MAP3K5: variants seen among roughly 807,000 people sequenced by gnomAD.
MAP3K5 encodes ASK-1.
A neutral mutation model predicts 158.7 loss-of-function variants in MAP3K5; 56 were observed. That is an observed-to-expected ratio of 0.35 (90% CI 0.28 to 0.44). The LOEUF (loss-of-function observed/expected upper bound fraction) is 0.44. MAP3K5 is among the 20% of genes least tolerant of loss of function. The pLI, the probability that MAP3K5 is intolerant of heterozygous loss-of-function variation, is 1.00. For synonymous variants in MAP3K5, 579 were observed against 601.7 expected, an observed-to-expected ratio of 0.96 and a Z score of 0.55; for missense variants, 1,294 against 1,674.8, an observed-to-expected ratio of 0.77 and a Z score of 3.97.
chr6:136,639,505 A>C (rs1174271225), intron 13 of MAP3K5, 38 bp downstream of exon 13: 2 of 1,155,266 alleles, frequency 1.7e-6, no homozygotes, highest in Non-Finnish European at 2.5e-6. Context: ...ATGATCAGGT[A>C]AGAAGAATCT....
At chr6:136,659,467 T>C (rs566912802) in intron 8 of MAP3K5, 89 bp from the exon 9 acceptor site, 1 of 1,204,040 alleles carries the variant, frequency 8.3e-7, no homozygotes, top group Admixed American at 2.0e-5. Context: ...TAAGCTTTCA[T>C]TCCTCTTTTC....
chr6:136,776,447 G>A (rs1046408973), intron 1 of MAP3K5, among the ~76,000 whole-genome samples: 6 of 152,044 alleles, frequency 3.9e-5, no homozygotes, highest in Admixed American at 6.6e-5. Flanking sequence ...GTCTCACCAC[G>A]TTGCCCATTC....
intron 1 of MAP3K5, among the ~76,000 whole-genome samples, chr6:136,720,912 T>A (rs1266504643): frequency 2.0e-5 from 3 of 152,142 alleles, no homozygotes; most frequent in Admixed American, 2.0e-4. Context: ...CCCTAGTAAC[T>A]GGGACTACAG....
chr6:136,782,229 A>G (rs948462391), intron 1 of MAP3K5, among the ~76,000 whole-genome samples: 2 of 151,034 alleles, frequency 1.3e-5, no homozygotes, highest in Middle Eastern at 3.2e-3. Context: ...GCAGTGAGCT[A>G]TGATTGAGAC....
At chr6:136,675,521 A>T (rs1779666770) in intron 7 of MAP3K5, among the ~76,000 whole-genome samples, 1 of 152,152 alleles carries the variant, frequency 6.6e-6, no homozygotes, top group Admixed American at 6.5e-5. Context: ...TCAGTTCATA[A>T]CCCAAAGGTC....
chr6:136,686,391 C>T (rs1000429472), intron 7 of MAP3K5, among the ~76,000 whole-genome samples: 2 of 152,156 alleles, frequency 1.3e-5, no homozygotes, highest in African/African-American at 4.8e-5. Context: ...CTCACCACTC[C>T]TATTCAACAT....
chr6:136,715,858 C>T (rs1454987406), intron 2 of MAP3K5, among the ~76,000 whole-genome samples: 2 of 151,456 alleles, frequency 1.3e-5, no homozygotes, highest in African/African-American at 4.9e-5. Context: ...TGGCGAAACC[C>T]CGTCTCTACT....
At chr6:136,744,165 C>G (rs1782832439) in intron 1 of MAP3K5, among the ~76,000 whole-genome samples, 2 of 152,004 alleles carry the variant, frequency 1.3e-5, no homozygotes, top group Non-Finnish European at 2.9e-5. Context: ...CTATGGGCAT[C>G]AGGTGATAAT....
At chr6:136,671,505 T>C (rs1023305443) in intron 7 of MAP3K5, among the ~76,000 whole-genome samples, 3 of 152,216 alleles carry the variant, frequency 2.0e-5, no homozygotes, top group Non-Finnish European at 2.9e-5. Flanking sequence ...AATCCTGGCA[T>C]ATATCATTAG....
intron 7 of MAP3K5, among the ~76,000 whole-genome samples, chr6:136,671,642 T>C (rs1431630668): frequency 1.3e-5 from 2 of 152,206 alleles, no homozygotes; most frequent in Admixed American, 6.5e-5. Flanking sequence ...AGATGGACTT[T>C]CACTCTTGTT....
At chr6:136,772,098 T>TAG (rs1784224655) in intron 1 of MAP3K5, among the ~76,000 whole-genome samples, 1 of 100,108 alleles carries the variant, frequency 1.0e-5, no homozygotes, top group African/African-American at 3.9e-5. Flanking sequence ...TTAGTAGAAA[T>TAG]GGGGGGGGGG....
chr6:136,581,441 C>CT (rs1319190574), intron 24 of MAP3K5, among the ~76,000 whole-genome samples: 1 of 152,204 alleles, frequency 6.6e-6, no homozygotes, highest in Non-Finnish European at 1.5e-5. Flanking sequence ...ACACAGACCT[C>CT]TAAAAAAAGA....
At position 136,659,287 on chromosome 6, in the gene MAP3K5, G is replaced by A. The variant is rs1362513238; in HGVS notation, c.1458C>T (p.Val486=). ...WEVGFFLGAS[V]LANDHMRVIQ... Reference sequence around the variant, plus strand: ...TGACTCTCATGTGGTCATTGGCTAGGACGCTGGCCCCCAGAAAAAATCCAA... The same window carrying A: ...TGACTCTCATGTGGTCATTGGCTAGAACGCTGGCCCCCAGAAAAAATCCAA... Residue 486 remains valine, a synonymous_variant, in exon 9 of 30, where the codon GTC becomes GTT. Coordinates refer to ENST00000359015, the MANE Select transcript of MAP3K5 (RefSeq NM_005923.4). 2 of 1,613,970 alleles carry A rather than the reference G, an allele frequency of 1.2e-6. No individual in the cohort carries two copies. Among genetic ancestry groups the A allele is most frequent in the Non-Finnish European group, 1.7e-6 (2 of 1,180,006 alleles).
At chr6:136,706,335 G>C (rs1028682098) in intron 2 of MAP3K5, among the ~76,000 whole-genome samples, 1 of 152,056 alleles carries the variant, frequency 6.6e-6, no homozygotes, top group Non-Finnish European at 1.5e-5. Flanking sequence ...GATTGAGTGA[G>C]ATCATACAAA....
Position 136,693,126 on chromosome 6 carries a change from C to G in MAP3K5, c.1253+1014G>C, listed in dbSNP as rs182636826. On this transcript the variant is annotated intron_variant, in intron 7 of 29. Transcript: ENST00000359015. ...GGGATAGAACTTTATTTTATTTTTC[C>G]AAGCAGATAAAGAAATTTTCCCAGT... 4.0e-3 allele frequency among the ~76,000 whole-genome samples: 604 copies of G among 151,832 alleles called. 7 individuals carry two copies. The highest frequency in any genetic ancestry group is 0.017 in the Middle Eastern group (5 of 294).
chr6:136,680,423 A>G lies in MAP3K5; in HGVS notation c.1254-11028T>C, dbSNP rs117791382. Among the ~76,000 whole-genome samples, 326 of 152,286 alleles carry G rather than the reference A, an allele frequency of 2.1e-3. 7 individuals carry two copies. In the East Asian group the frequency reaches 0.029, roughly 14 times the overall value. Reference sequence around the variant, plus strand: ...TGATCCTTTGCTTAACAACTTATCTATTTTTGGATATTTAGATTTCTTCCA... The same window carrying G: ...TGATCCTTTGCTTAACAACTTATCTGTTTTTGGATATTTAGATTTCTTCCA... On this transcript the variant is annotated intron_variant, in intron 7 of 29. Coordinates refer to ENST00000359015, the MANE Select transcript of MAP3K5 (RefSeq NM_005923.4).
At chr6:136,735,612 T>C (rs1210326382) in intron 1 of MAP3K5, among the ~76,000 whole-genome samples, 1 of 152,120 alleles carries the variant, frequency 6.6e-6, no homozygotes, top group Non-Finnish European at 1.5e-5. Context: ...AGAGGATCGC[T>C]TGAGTTCGGG....
chr6:136,648,997 T>G (rs777627453), intron 11 of MAP3K5, among the ~76,000 whole-genome samples: 30 of 152,252 alleles, frequency 2.0e-4, no homozygotes, highest in Middle Eastern at 3.4e-3. Flanking sequence ...TGAGATAGAG[T>G]CTTGCTCTGT....
At chr6:136,680,344 A>T (rs971159397) in intron 7 of MAP3K5, among the ~76,000 whole-genome samples, 19 of 152,340 alleles carry the variant, frequency 1.2e-4, no homozygotes, top group African/African-American at 4.6e-4. Context: ...ATTTTATGTT[A>T]TATATATTTT....
Sources: gnomAD v4.1 joint callset for allele counts (sites outside exome capture counted in the v4.1 genomes callset) on GRCh38, gnomAD v4.1.1 for gene constraint, MANE v1.5 for transcripts, NCBI Gene and HGNC (gene_info 2026-07-23, HGNC 2026-07-21) for gene names.